Variants in DNAJC25 observed in about 807,000 individuals in gnomAD.
The protein encoded by DNAJC25 is dnaJ homolog subfamily C member 25.
DNAJC25 carries 26 observed loss-of-function variants against 42.1 expected under a neutral mutation model. That is an observed-to-expected ratio of 0.62 (90% CI 0.45 to 0.86). DNAJC25 has a LOEUF of 0.86. Ranked by LOEUF, DNAJC25 falls within the 40% of genes least tolerant of loss-of-function variation. The pLI, the probability that DNAJC25 is intolerant of heterozygous loss-of-function variation, is 0.00. For missense variants in DNAJC25, 404 were observed against 459.4 expected, an observed-to-expected ratio of 0.88 and a Z score of 1.10; for synonymous variants, 189 against 179.9, an observed-to-expected ratio of 1.05 and a Z score of -0.40.
At chr9:111,642,611 A>C (rs1209456702) in intron 1 of DNAJC25, among the ~76,000 whole-genome samples, 5 of 142,418 alleles carry the variant, frequency 3.5e-5, no homozygotes, top group South Asian at 2.2e-4. Context: ...ATCAATAAAT[A>C]AATAAATAAA....
Position 111,631,361 on chromosome 9 carries a change from A to G in DNAJC25, c.-47A>G. 1 of 1,256,796 alleles carries G rather than the reference A, an allele frequency of 8.0e-7. No homozygotes were observed. Among genetic ancestry groups the G allele is most frequent in the Non-Finnish European group, 1.0e-6 (1 of 1,004,356 alleles). The allele number at this position is 1,256,796 out of a possible 1,614,324, so 77.9% of individuals were successfully genotyped here. On this transcript the variant is annotated 5_prime_UTR_variant, in exon 1 of 4. Coordinates refer to ENST00000313525, the MANE Select transcript of DNAJC25 (RefSeq NM_001015882.3). ...ACGGGACTAGCCGGGCGCGCGGCTG[A>G]GTGCTGCAGAATCGCTGGGGTGGCA...
Position 111,631,461 on chromosome 9 carries a change from C to T in DNAJC25, c.54C>T (p.Arg18=). Residue 18 remains arginine, a synonymous_variant, in exon 1 of 4, where the codon CGC becomes CGT. Transcript: ENST00000313525. ...GGGGAGCCGGGGCTGCCGGCCGGCGCTGGTGGATGCTGCTGGCGCCCCTGC... is the reference window on the plus strand; with the variant it reads ...GGGGAGCCGGGGCTGCCGGCCGGCGTTGGTGGATGCTGCTGGCGCCCCTGC... ...PGWGAGAAGR[R]WWMLLAPLLP... The T allele has an allele frequency of 3.0e-6, 4 of 1,311,880 alleles. No homozygotes were observed. The highest frequency in any genetic ancestry group is 2.9e-4 in the Middle Eastern group (1 of 3,498). 81.3% of individuals were successfully genotyped at this position (1,311,880 alleles called of 1,614,324 possible). A position where few individuals can be genotyped will look rare whatever the true frequency, so the allele number is the denominator to read the frequency against.
intron 3 of DNAJC25, among the ~76,000 whole-genome samples, chr9:111,650,438 C>T (rs562122341): frequency 1.5e-3 from 227 of 152,158 alleles, no homozygotes; most frequent in African/African-American, 4.8e-3. Context: ...TAAATTAAAT[C>T]GAATTACTGT....
At chr9:111,634,728 T>G (rs912235248) in intron 1 of DNAJC25, among the ~76,000 whole-genome samples, 1 of 76,544 alleles carries the variant, frequency 1.3e-5, no homozygotes, top group South Asian at 2.9e-4. Context: ...GGGGTTTTGT[T>G]TTTTTTTTTA....
At chr9:111,641,419 GC>G (rs1428164776) in intron 1 of DNAJC25, among the ~76,000 whole-genome samples, 2 of 103,066 alleles carry the variant, frequency 1.9e-5, no homozygotes, top group East Asian at 7.7e-4. Flanking sequence ...TCAGCCCTCC[GC>G]CCGGCCAGCC....
chr9:111,647,737 T>A (rs1036269539), intron 2 of DNAJC25, among the ~76,000 whole-genome samples: 1 of 152,242 alleles, frequency 6.6e-6, no homozygotes, highest in African/African-American at 2.4e-5. Flanking sequence ...TCTGCTCAGG[T>A]TGAAAACCAC....
chr9:111,639,257 C>T (rs1830408985), intron 1 of DNAJC25, among the ~76,000 whole-genome samples: 1 of 152,196 alleles, frequency 6.6e-6, no homozygotes, highest in African/African-American at 2.4e-5. Context: ...TAATGCCCTG[C>T]ATCATCATTT....
intron 1 of DNAJC25, among the ~76,000 whole-genome samples, chr9:111,644,914 T>C (rs956875535): frequency 1.3e-5 from 2 of 152,178 alleles, no homozygotes; most frequent in Non-Finnish European, 2.9e-5. Flanking sequence ...GTGTGATCCT[T>C]ATATAGGTTT....
intron 3 of DNAJC25, among the ~76,000 whole-genome samples, chr9:111,652,167 A>C (rs993012059): frequency 4.6e-5 from 7 of 152,266 alleles, no homozygotes; most frequent in East Asian, 1.9e-4. Context: ...GTCAATTTTC[A>C]TTGAGGAAAA....
Position 111,654,264 on chromosome 9 carries a change from G to T in DNAJC25, c.*1042G>T, listed in dbSNP as rs989952939. The T allele has an allele frequency of 6.6e-6, 1 of 152,146 alleles. No individual in the cohort carries two copies. The highest frequency in any genetic ancestry group is 1.5e-5 in the Non-Finnish European group (1 of 68,026). 9.4% of individuals were successfully genotyped at this position (152,146 alleles called of 1,614,324 possible). A position where few individuals can be genotyped will look rare whatever the true frequency, so the allele number is the denominator to read the frequency against. On this transcript the variant is annotated 3_prime_UTR_variant, in exon 4 of 4. Transcript: ENST00000313525. Reference sequence around the variant, plus strand: ...GGCATGATACTGCACCAAAGTGTTGGTACATATTCACGGTAGTAAATCAGT... The same window carrying T: ...GGCATGATACTGCACCAAAGTGTTGTTACATATTCACGGTAGTAAATCAGT...
intron 1 of DNAJC25, among the ~76,000 whole-genome samples, chr9:111,638,394 A>G (rs139631823): frequency 7.9e-5 from 12 of 152,348 alleles, no homozygotes; most frequent in African/African-American, 2.4e-4. Context: ...CATTATTTCC[A>G]GTTTTCTACA....
At chr9:111,651,615 G>A (rs939502268) in intron 3 of DNAJC25, among the ~76,000 whole-genome samples, 7 of 152,030 alleles carry the variant, frequency 4.6e-5, no homozygotes, top group African/African-American at 1.5e-4. Flanking sequence ...GGCTAGGTGC[G>A]GTGGCTCATG....
intron 3 of DNAJC25, among the ~76,000 whole-genome samples, chr9:111,650,551 G>C (rs1280485785): frequency 6.6e-6 from 1 of 152,194 alleles, no homozygotes; most frequent in Non-Finnish European, 1.5e-5. Context: ...TCATGTTAAA[G>C]GGATTAGCAG....
chr9:111,638,620 C>A (rs975211496), intron 1 of DNAJC25, among the ~76,000 whole-genome samples: 1 of 151,948 alleles, frequency 6.6e-6, no homozygotes, highest in Non-Finnish European at 1.5e-5. Flanking sequence ...ACATTGTCTA[C>A]GTAGTAACTC....
intron 1 of DNAJC25, among the ~76,000 whole-genome samples, chr9:111,638,419 C>T (rs1214437564): frequency 6.6e-6 from 1 of 152,178 alleles, no homozygotes; most frequent in Non-Finnish European, 1.5e-5. Context: ...ACTTCTGTCT[C>T]TAGAGTTAAA....
intron 3 of DNAJC25, among the ~76,000 whole-genome samples, chr9:111,651,033 G>A (rs1830650753): frequency 6.6e-6 from 1 of 152,010 alleles, no homozygotes; most frequent in Admixed American, 6.5e-5. Context: ...TTGGGAGGTC[G>A]AGGCAGGTGG....
chr9:111,645,082 C>T (rs1358592451), intron 1 of DNAJC25, among the ~76,000 whole-genome samples: 1 of 152,222 alleles, frequency 6.6e-6, no homozygotes, highest in Non-Finnish European at 1.5e-5. Flanking sequence ...CTTGAGCTCA[C>T]ACCTCGTTGT....
chr9:111,652,453 T>C (rs1240080238), intron 3 of DNAJC25, among the ~76,000 whole-genome samples: 3 of 144,080 alleles, frequency 2.1e-5, no homozygotes, highest in African/African-American at 5.2e-5. Flanking sequence ...AGGCAGAGAT[T>C]GCAGTGAGCT....
intron 1 of DNAJC25, among the ~76,000 whole-genome samples, chr9:111,642,685 A>G (rs1055409601): frequency 3.3e-5 from 5 of 152,114 alleles, no homozygotes; most frequent in African/African-American, 1.2e-4. Flanking sequence ...AATTATTACA[A>G]TTTATGTACT....
Sources: gnomAD v4.1 joint callset for allele counts (sites outside exome capture counted in the v4.1 genomes callset) on GRCh38, gnomAD v4.1.1 for gene constraint, MANE v1.5 for transcripts, NCBI Gene and HGNC (gene_info 2026-07-23, HGNC 2026-07-21) for gene names.